PTPRD: variants seen among roughly 807,000 people sequenced by gnomAD.
PTPRD encodes the protein receptor-type tyrosine-protein phosphatase delta.
Under a neutral mutation model 214.5 loss-of-function variants are expected in PTPRD, and 34 were observed. The observed-to-expected ratio is 0.16, with a 90% CI of 0.12 to 0.21. The LOEUF is 0.21. Among genes scored for constraint, PTPRD ranks in the 10% least tolerant of loss-of-function variants. The pLI, the probability that PTPRD is intolerant of heterozygous loss-of-function variation, is 1.00. For missense variants in PTPRD, 2,545 were observed against 2,398.7 expected (o/e 1.06, Z -1.27); for synonymous variants, 1,128 against 845.7 (o/e 1.33, Z -5.79).
intron 5 of PTPRD, among the ~76,000 whole-genome samples, chr9:9,880,364 TA>T (rs2068269929): frequency 1.3e-5 from 2 of 152,192 alleles, no homozygotes; most frequent in Non-Finnish European, 2.9e-5. Context: ...GCCTAAAAGA[TA>T]ACTACGTGGT....
chr9:9,657,603 T>A (rs996999921), intron 7 of PTPRD, among the ~76,000 whole-genome samples: 3 of 152,084 alleles, frequency 2.0e-5, no homozygotes, highest in African/African-American at 7.2e-5. Context: ...AATATAATAA[T>A]AGTGAAAAAT....
At chr9:10,019,780 G>A (rs1000992783) in intron 4 of PTPRD, among the ~76,000 whole-genome samples, 17 of 148,544 alleles carry the variant, frequency 1.1e-4, no homozygotes, top group African/African-American at 3.9e-4. Flanking sequence ...CCTGTTGTGG[G>A]GTGGGGGGGA....
intron 11 of PTPRD, among the ~76,000 whole-genome samples, chr9:8,987,962 A>G (rs933730180): frequency 1.3e-5 from 2 of 152,022 alleles, no homozygotes; most frequent in Non-Finnish European, 2.9e-5. Context: ...CAGGTAGCTG[A>G]AGATGGAGCA....
chr9:8,959,565 T>C (rs2099148438), intron 11 of PTPRD, among the ~76,000 whole-genome samples: 1 of 151,910 alleles, frequency 6.6e-6, no homozygotes, highest in Non-Finnish European at 1.5e-5. Context: ...TCTTGAAACA[T>C]CACAAGTGCA....
At chr9:8,857,223 A>C (rs2097936991) in intron 11 of PTPRD, among the ~76,000 whole-genome samples, 1 of 152,176 alleles carries the variant, frequency 6.6e-6, no homozygotes, top group African/African-American at 2.4e-5. Flanking sequence ...CACCGTAGTC[A>C]GCCCTCCTTA....
At chr9:8,381,038 G>A (rs188439266) in intron 37 of PTPRD, among the ~76,000 whole-genome samples, 193 of 152,250 alleles carry the variant, frequency 1.3e-3, no homozygotes, top group Non-Finnish European at 2.5e-3. Context: ...TATTTGCCAC[G>A]AGATTATTTA....
At chr9:10,137,706 A>T (rs2098952637) in intron 3 of PTPRD, among the ~76,000 whole-genome samples, 1 of 149,564 alleles carries the variant, frequency 6.7e-6, no homozygotes, top group African/African-American at 2.4e-5. Flanking sequence ...TATAATAAAA[A>T]AAAAAAAAAA....
chr9:9,103,417 T>A (rs991814037), intron 10 of PTPRD, among the ~76,000 whole-genome samples: 1 of 152,132 alleles, frequency 6.6e-6, no homozygotes, highest in Non-Finnish European at 1.5e-5. Context: ...TGAAAAAATT[T>A]TCGTAAGTAA....
intron 12 of PTPRD, among the ~76,000 whole-genome samples, chr9:8,684,913 C>G (rs1201442345): frequency 1.3e-5 from 2 of 152,120 alleles, no homozygotes; most frequent in Non-Finnish European, 2.9e-5. Flanking sequence ...TCACAAACTT[C>G]ACAATCCTAG....
intron 2 of PTPRD, among the ~76,000 whole-genome samples, chr9:10,521,713 C>T (rs911377145): frequency 1.6e-4 from 25 of 152,018 alleles, no homozygotes; most frequent in Non-Finnish European, 3.1e-4. Flanking sequence ...AGCATGGTGG[C>T]GGGACCCTAC....
chr9:8,779,073 G>C (rs2095595241), intron 11 of PTPRD, among the ~76,000 whole-genome samples: 1 of 152,160 alleles, frequency 6.6e-6, no homozygotes, highest in Non-Finnish European at 1.5e-5. Context: ...GAATGTCAGA[G>C]GCAAGCCCTG....
intron 10 of PTPRD, among the ~76,000 whole-genome samples, chr9:9,161,998 G>T (rs1204184465): frequency 6.6e-6 from 1 of 151,988 alleles, no homozygotes; most frequent in African/African-American, 2.4e-5. Context: ...TAAAAGAGTA[G>T]CAGGATAACA....
At chr9:8,480,971 C>T (rs2096869850) in intron 30 of PTPRD, among the ~76,000 whole-genome samples, 1 of 151,852 alleles carries the variant, frequency 6.6e-6, no homozygotes. Context: ...AATCCCATTT[C>T]TACTAAAAAT....
chr9:10,286,214 C>T (rs1245756149), intron 3 of PTPRD, among the ~76,000 whole-genome samples: 2 of 151,946 alleles, frequency 1.3e-5, no homozygotes, highest in African/African-American at 4.8e-5. Context: ...AAAATAATAG[C>T]AATATTGCTT....
chr9:9,715,590 A>G (rs1267607598), intron 7 of PTPRD, among the ~76,000 whole-genome samples: 2 of 152,194 alleles, frequency 1.3e-5, no homozygotes, highest in African/African-American at 4.8e-5. Flanking sequence ...CAAAATATAC[A>G]TTAACTAAAT....
intron 11 of PTPRD, among the ~76,000 whole-genome samples, chr9:8,947,585 A>G (rs1260582266): frequency 6.6e-6 from 1 of 152,094 alleles, no homozygotes; most frequent in Non-Finnish European, 1.5e-5. Context: ...TTTCAAGGAC[A>G]TTCACTCTGC....
At chr9:9,649,347 A>G (rs2096275637) in intron 7 of PTPRD, among the ~76,000 whole-genome samples, 1 of 152,188 alleles carries the variant, frequency 6.6e-6, no homozygotes, top group South Asian at 2.1e-4. Flanking sequence ...AATAATGTGT[A>G]CACTCTATCT....
intron 5 of PTPRD, among the ~76,000 whole-genome samples, chr9:9,885,814 C>G (rs2890890): frequency 0.2 from 30,051 of 151,596 alleles, 4,257 homozygotes; most frequent in African/African-American, 0.4. Context: ...ATTTTGTATG[C>G]TTTGTGCCTG....
chr9:8,946,271 G>A (rs982709666), intron 11 of PTPRD, among the ~76,000 whole-genome samples: 1 of 152,054 alleles, frequency 6.6e-6, no homozygotes, highest in Non-Finnish European at 1.5e-5. Flanking sequence ...AAAACTGATA[G>A]TAGTCATCAT....
Sources: allele counts gnomAD v4.1 joint callset (sites outside exome capture counted in the v4.1 genomes callset), GRCh38; gene constraint gnomAD v4.1.1; transcripts MANE v1.5; gene names NCBI Gene and HGNC (gene_info 2026-07-23, HGNC 2026-07-21).